Variants in LCMT1 observed in about 807,000 individuals in gnomAD.
The protein encoded by LCMT1 is leucine carboxyl methyltransferase 1.
LCMT1 carries 32 observed loss-of-function variants against 47.7 expected under a neutral mutation model. The observed-to-expected ratio is 0.67, with a 90% confidence interval of 0.51 to 0.90. LCMT1 has a LOEUF of 0.90. LCMT1 is among the 40% of genes least tolerant of loss of function. The pLI, the probability that LCMT1 is intolerant of heterozygous loss-of-function variation, is 0.00. For synonymous variants in LCMT1, 152 were observed against 149.7 expected (o/e 1.02, Z -0.11); for missense variants, 375 against 415.2 (o/e 0.90, Z 0.84).
intron 5 of LCMT1, among the ~76,000 whole-genome samples, chr16:25,154,712 T>A (rs1961199015): frequency 6.6e-6 from 1 of 151,302 alleles, no homozygotes; most frequent in African/African-American, 2.4e-5. Context: ...ATGGTCTCGA[T>A]CTCCTGACCT....
chr16:25,160,916 T>C (rs750214566), intron 5 of LCMT1, 186 bp from the exon 6 acceptor site: 38 of 646,952 alleles, frequency 5.9e-5, no homozygotes, highest in Non-Finnish European at 8.0e-5. Context: ...GCTGAAATGT[T>C]ACACACCAAA....
intron 5 of LCMT1, 76 bp downstream of exon 5, chr16:25,151,691 TGTTG>T (rs1293497718): frequency 2.6e-4 from 169 of 638,464 alleles, no homozygotes; most frequent in Non-Finnish European, 4.0e-4. Flanking sequence ...ATGGGGTTTG[TGTTG>T]GGTGTGTGTG....
chr16:25,161,412 A>G (rs1291574764), intron 6 of LCMT1, among the ~76,000 whole-genome samples: 2 of 151,622 alleles, frequency 1.3e-5, no homozygotes, highest in Non-Finnish European at 2.9e-5. Flanking sequence ...GCTGAGTGCA[A>G]TGGCACAATC....
chr16:25,125,950 T>G (rs747875032), intron 1 of LCMT1: 3 of 1,177,454 alleles, frequency 2.5e-6, no homozygotes, highest in Non-Finnish European at 3.3e-6. Context: ...AACTTGCTGC[T>G]TGTCTCCCTT....
chr16:25,178,018 T>C lies in LCMT1; in HGVS notation c.1000T>C (p.Tyr334His). The C allele has an allele frequency of 6.2e-7, 1 of 1,613,844 alleles. No homozygotes were observed. The highest frequency in any genetic ancestry group is 8.5e-7 in the Non-Finnish European group (1 of 1,179,814). ...GNELGLKEIT[Y>H] ...CCCCTCAGGGCTGAAGGAGATAACT[T>C]ATTAATCTGTCGAAGGCTTATGCCG... Residue 334 changes from tyrosine to histidine, a missense_variant, in exon 11 of 11, where the codon TAT (tyrosine) becomes CAT (histidine). By Grantham distance (83) the Tyr-to-His change is moderately conservative. Transcript: ENST00000399069.
intron 1 of LCMT1, among the ~76,000 whole-genome samples, chr16:25,116,553 C>T (rs1465811330): frequency 6.6e-6 from 1 of 151,924 alleles, no homozygotes; most frequent in Non-Finnish European, 1.5e-5. Flanking sequence ...TGGCCCACAG[C>T]ACCAGACCAG....
intron 6 of LCMT1, among the ~76,000 whole-genome samples, chr16:25,164,202 G>C (rs1386725226): frequency 6.6e-6 from 1 of 152,098 alleles, no homozygotes. Flanking sequence ...GTTTGCTACT[G>C]TCCTGTTGAC....
At chr16:25,113,776 C>G (rs1428630390) in intron 1 of LCMT1, among the ~76,000 whole-genome samples, 2 of 152,174 alleles carry the variant, frequency 1.3e-5, no homozygotes, top group Middle Eastern at 6.3e-3. Context: ...GCTGGGATCA[C>G]AGGCACACAC....
chr16:25,124,380 G>A (rs1038837318), intron 1 of LCMT1, among the ~76,000 whole-genome samples: 3 of 152,196 alleles, frequency 2.0e-5, no homozygotes, highest in African/African-American at 7.2e-5. Flanking sequence ...TTAAATCCAG[G>A]TGAGTAAATT....
chr16:25,149,507 C>A (rs1961001755), intron 4 of LCMT1, among the ~76,000 whole-genome samples: 1 of 152,222 alleles, frequency 6.6e-6, no homozygotes, highest in Admixed American at 6.5e-5. Context: ...TTCATTATGA[C>A]TCTCCATCCA....
chr16:25,119,475 T>C (rs1432826057), intron 1 of LCMT1, among the ~76,000 whole-genome samples: 1 of 152,180 alleles, frequency 6.6e-6, no homozygotes, highest in Admixed American at 6.5e-5. Flanking sequence ...TGAGCGCACA[T>C]GTTCAAGATT....
chr16:25,112,635 T>C (rs1959659050), intron 1 of LCMT1, among the ~76,000 whole-genome samples: 1 of 152,140 alleles, frequency 6.6e-6, no homozygotes, highest in Non-Finnish European at 1.5e-5. Flanking sequence ...GTGCCAGGCC[T>C]TTACTTTGCA....
At chr16:25,128,718 C>T (rs1326870081) in intron 2 of LCMT1, 152 bp downstream of exon 2, 1 of 627,054 alleles carries the variant, frequency 1.6e-6, no homozygotes, top group South Asian at 1.9e-5. Context: ...GTGTTATAAA[C>T]TTGTTTGCAG....
intron 5 of LCMT1, among the ~76,000 whole-genome samples, chr16:25,159,900 A>G (rs1262757895): frequency 2.0e-5 from 3 of 151,998 alleles, no homozygotes; most frequent in African/African-American, 7.2e-5. Context: ...TTGAGTGAAT[A>G]ATGTCTGGAA....
chr16:25,113,755 C>A (rs2141618587), intron 1 of LCMT1, among the ~76,000 whole-genome samples: 1 of 152,290 alleles, frequency 6.6e-6, no homozygotes, highest in Admixed American at 6.5e-5. Flanking sequence ...CCTGCCTCAA[C>A]CTTCCAAGTA....
intron 6 of LCMT1, 61 bp from the exon 7 acceptor site, chr16:25,164,537 A>G (rs546497114): frequency 1.2e-6 from 2 of 1,609,176 alleles, no homozygotes; most frequent in African/African-American, 2.7e-5. Context: ...ACATGTGTAC[A>G]ATTAGAGGGT....
At position 25,161,226 on chromosome 16, in the gene LCMT1, C is replaced by G. The variant is rs201202741; in HGVS notation, c.569+22C>G. 3.7e-6 allele frequency: 5 copies of G among 1,335,874 alleles called. No individual in the cohort carries two copies. In the East Asian group the frequency reaches 1.2e-4, roughly 32 times the overall value. 82.8% of individuals were successfully genotyped at this position (1,335,874 alleles called of 1,614,324 possible). A position where few individuals can be genotyped will look rare whatever the true frequency, so the allele number is the denominator to read the frequency against. On this transcript the variant is annotated intron_variant, in intron 6 of 10. Coordinates refer to ENST00000399069, the MANE Select transcript of LCMT1 (RefSeq NM_016309.3). ...CACAGTGAGATTTTTTTTTTTAAAC[C>G]TCTTCTGCATTTGTGATTTTATGCT...
chr16:25,164,484 C>G, intron 6 of LCMT1, 114 bp from the exon 7 acceptor site: 4 of 1,287,524 alleles, frequency 3.1e-6, no homozygotes, highest in Non-Finnish European at 4.4e-6. Context: ...TTGCTCAGGC[C>G]TTCTGAGTTC....
rs1434579218 is a variant in LCMT1 at position 25,120,731 on chromosome 16, G to GTTT, written c.114-7739_114-7737dup. The stretch of plus-strand genomic sequence containing the variant: ...GGCGTGAGACACCGCACCTGGCCTT[G>GTTT]TTTTTTTGTTTTTTTTTTTTGTTTT... On this transcript the variant is annotated intron_variant, in intron 1 of 10. Transcript: ENST00000399069. Among the ~76,000 whole-genome samples, 410 of 132,408 alleles carry GTTT rather than the reference G, an allele frequency of 3.1e-3. 14 individuals are homozygous for GTTT. Among genetic ancestry groups the GTTT allele is most frequent in the African/African-American group, 0.012 (396 of 34,310 alleles). 86.9% of individuals were successfully genotyped at this position (132,408 alleles called of 152,430 possible). A position where few individuals can be genotyped will look rare whatever the true frequency, so the allele number is the denominator to read the frequency against.
Sources: allele counts gnomAD v4.1 joint callset (sites outside exome capture counted in the v4.1 genomes callset), GRCh38; gene constraint gnomAD v4.1.1; transcripts MANE v1.5; gene names NCBI Gene and HGNC (gene_info 2026-07-23, HGNC 2026-07-21).